ARHGAP22: variants seen among roughly 807,000 people sequenced by gnomAD.
ARHGAP22 encodes the protein rho GTPase-activating protein 22.
ARHGAP22 carries 48 observed loss-of-function variants against 59.1 expected under a neutral mutation model. The observed-to-expected ratio is 0.81, with a 90% confidence interval of 0.64 to 1.03. ARHGAP22 has a LOEUF of 1.03. ARHGAP22 is among the 50% of genes least tolerant of loss of function. ARHGAP22 has a pLI of 0.00. For missense variants in ARHGAP22, 1,015 were observed against 958.7 expected (o/e 1.06, Z -0.78); for synonymous variants, 445 against 416.4 (o/e 1.07, Z -0.84).
intron 1 of ARHGAP22, chr10:48,652,198 A>T: frequency 6.6e-7 from 1 of 1,518,618 alleles, no homozygotes; most frequent in Non-Finnish European, 8.8e-7. Context: ...ATGCAAAGGT[A>T]ATCATTTCCC....
At chr10:48,500,967 G>T (rs928160051) in intron 3 of ARHGAP22, among the ~76,000 whole-genome samples, 3 of 151,012 alleles carry the variant, frequency 2.0e-5, no homozygotes, top group Non-Finnish European at 4.4e-5. Flanking sequence ...GAGAAATTTT[G>T]TATAAAATTT....
At chr10:48,493,777 T>C (rs936450124) in intron 3 of ARHGAP22, 1 of 696,116 alleles carries the variant, frequency 1.4e-6, no homozygotes, top group Non-Finnish European at 2.2e-6. Context: ...TCCGCATCTG[T>C]GCCTGCCACC....
intron 2 of ARHGAP22, among the ~76,000 whole-genome samples, chr10:48,559,659 T>C (rs1027894968): frequency 6.6e-6 from 1 of 152,240 alleles, no homozygotes; most frequent in African/African-American, 2.4e-5. Flanking sequence ...GACATATTTA[T>C]TGACCATTTG....
intron 2 of ARHGAP22, among the ~76,000 whole-genome samples, chr10:48,563,101 T>G (rs763722412): frequency 6.3e-4 from 95 of 151,240 alleles, no homozygotes; most frequent in Non-Finnish European, 1.0e-3. Flanking sequence ...TTCAAATCAC[T>G]CCGACTCTGA....
At chr10:48,526,171 G>C (rs538926795) in intron 3 of ARHGAP22, among the ~76,000 whole-genome samples, 4 of 152,224 alleles carry the variant, frequency 2.6e-5, no homozygotes, top group African/African-American at 9.6e-5. Flanking sequence ...TCTCAGCAAG[G>C]GCAGGCTGGA....
At position 48,506,672 on chromosome 10, in the gene ARHGAP22, T is replaced by C. The variant is rs550708117; in HGVS notation, c.323-26908A>G. On this transcript the variant is annotated intron_variant, in intron 3 of 9. Transcript: ENST00000249601. ...CACCAGGAGGCAGCCATTCACATGG[T>C]AGTCTAAGTGCATGCGCCCCCACCA... 3.4e-4 allele frequency among the ~76,000 whole-genome samples: 52 copies of C among 152,250 alleles called. 1 individual carries two copies. Among genetic ancestry groups the C allele is most frequent in the Admixed American group, 3.4e-3 (52 of 15,296 alleles).
chr10:48,630,024 A>T (rs1272035417), intron 1 of ARHGAP22, among the ~76,000 whole-genome samples: 3 of 152,218 alleles, frequency 2.0e-5, no homozygotes, highest in African/African-American at 7.2e-5. Flanking sequence ...TGTATGGAAA[A>T]GCAAAAAATA....
At chr10:48,549,722 A>G (rs1166719622) in intron 3 of ARHGAP22, among the ~76,000 whole-genome samples, 1 of 152,206 alleles carries the variant, frequency 6.6e-6, no homozygotes, top group Non-Finnish European at 1.5e-5. Flanking sequence ...AACATTGGTT[A>G]TAGCTTTGCC....
chr10:48,614,750 T>C (rs887755311), intron 1 of ARHGAP22, among the ~76,000 whole-genome samples: 1 of 152,062 alleles, frequency 6.6e-6, no homozygotes, highest in Non-Finnish European at 1.5e-5. Context: ...CCATTCCAGC[T>C]CTCCAATAAG....
At chr10:48,539,125 G>A (rs985173353) in intron 3 of ARHGAP22, among the ~76,000 whole-genome samples, 2 of 151,894 alleles carry the variant, frequency 1.3e-5, no homozygotes, top group Non-Finnish European at 2.9e-5. Context: ...TTCAGCAGCC[G>A]GAAAAAATGG....
chr10:48,649,999 GGAGAGAGAGAGAAA>G (rs1565060673), intron 1 of ARHGAP22, among the ~76,000 whole-genome samples: 3 of 149,544 alleles, frequency 2.0e-5, no homozygotes, highest in African/African-American at 7.4e-5. Flanking sequence ...AGGGAGGGAG[GGAGAGAGAGAGAAA>G]GAGAGAGAGA....
chr10:48,449,804 T>A (rs2045720422), intron 9 of ARHGAP22, among the ~76,000 whole-genome samples: 1 of 152,294 alleles, frequency 6.6e-6, no homozygotes, highest in Admixed American at 6.5e-5. Context: ...GGAAACTGGA[T>A]TCTGATCCCA....
At chr10:48,615,944 C>A (rs2061062601) in intron 1 of ARHGAP22, among the ~76,000 whole-genome samples, 1 of 146,110 alleles carries the variant, frequency 6.8e-6, no homozygotes. Flanking sequence ...ATTATTCAGT[C>A]TGAGGAACAG....
At chr10:48,472,578 C>T (rs2048332937) in intron 4 of ARHGAP22, among the ~76,000 whole-genome samples, 1 of 152,064 alleles carries the variant, frequency 6.6e-6, no homozygotes, top group South Asian at 2.1e-4. Flanking sequence ...AGCTAGAGTA[C>T]TAAAAGGGGC....
chr10:48,432,542 G>A, the ARHGAP22 span, among the ~76,000 whole-genome samples: 4 of 152,118 alleles, frequency 2.6e-5, no homozygotes, highest in African/African-American at 9.7e-5. Flanking sequence ...AATGCTTTGT[G>A]TAATTAATTA....
chr10:48,454,873 C>T lies in ARHGAP22; in HGVS notation c.792+129G>A, dbSNP rs551394951. The T allele has an allele frequency of 1.0e-5, 13 of 1,276,092 alleles. No homozygotes were observed. The South Asian group carries it at 2.4e-4, about 23-fold the overall frequency. The allele number at this position is 1,276,092 out of a possible 1,614,324, so 79.0% of individuals were successfully genotyped here. A position where few individuals can be genotyped will look rare whatever the true frequency, so the allele number is the denominator to read the frequency against. ...ATGCTCCAGGCCCCCACCACACCCC[C>T]AACACAGCAGGCCTCCACAGGATCC... On this transcript the variant is annotated intron_variant, in intron 6 of 9. Transcript: ENST00000249601.
intron 2 of ARHGAP22, among the ~76,000 whole-genome samples, chr10:48,573,264 G>T (rs73300252): frequency 0.061 from 9,349 of 152,158 alleles, 293 homozygotes; most frequent in Middle Eastern, 0.1. Flanking sequence ...ATGGTTTACC[G>T]CATGAGTTTA....
At chr10:48,584,810 C>A (rs559101482) in intron 1 of ARHGAP22, among the ~76,000 whole-genome samples, 1 of 152,048 alleles carries the variant, frequency 6.6e-6, no homozygotes, top group African/African-American at 2.4e-5. Flanking sequence ...TTGGCTAACA[C>A]GGCGAAACCC....
intron 3 of ARHGAP22, among the ~76,000 whole-genome samples, chr10:48,541,950 G>A (rs547222573): frequency 7.9e-5 from 12 of 152,362 alleles, no homozygotes; most frequent in African/African-American, 2.6e-4. Context: ...CCTGTGAAGT[G>A]TATGCTGGAG....
Sources: gnomAD v4.1 joint callset for allele counts (sites outside exome capture counted in the v4.1 genomes callset) on GRCh38, gnomAD v4.1.1 for gene constraint, MANE v1.5 for transcripts, NCBI Gene and HGNC (gene_info 2026-07-23, HGNC 2026-07-21) for gene names.